FOXP2: variants seen among roughly 807,000 people sequenced by gnomAD.
FOXP2 encodes the protein forkhead box protein P2.
A neutral mutation model predicts 115.8 loss-of-function variants in FOXP2; 12 were observed. The ratio of observed to expected loss-of-function variants is 0.10; its 90% CI spans 0.07 to 0.17. FOXP2 has a LOEUF of 0.17. Ranked by LOEUF, FOXP2 falls within the 10% of genes least tolerant of loss-of-function variation. The probability of loss-of-function intolerance (pLI) is 1.00; values close to 1 mark genes in which losing one functional copy is unlikely to be tolerated. For missense variants in FOXP2, 629 were observed against 843.5 expected (o/e 0.75, Z 3.15); for synonymous variants, 328 against 297.7 (o/e 1.10, Z -1.05).
intron 2 of FOXP2, among the ~76,000 whole-genome samples, chr7:114,407,715 A>G (rs188264219): frequency 1.3e-5 from 2 of 152,238 alleles, no homozygotes; most frequent in East Asian, 3.9e-4. Context: ...CTATGCAAAT[A>G]TTTGAACAGT....
chr7:114,161,654 G>GCA, upstream of FOXP2, among the ~76,000 whole-genome samples: 16 of 151,504 alleles, frequency 1.1e-4, no homozygotes, highest in African/African-American at 3.4e-4. Context: ...GTGTGTGCGT[G>GCA]TATATATATA....
intron 2 of FOXP2, among the ~76,000 whole-genome samples, chr7:114,334,935 A>G (rs1053727114): frequency 8.0e-6 from 1 of 125,266 alleles, no homozygotes; most frequent in African/African-American, 3.0e-5. Context: ...AGAAATCTAT[A>G]TATATATATA....
At chr7:114,403,014 C>CCTAG (rs1486555596) in intron 2 of FOXP2, among the ~76,000 whole-genome samples, 2 of 152,148 alleles carry the variant, frequency 1.3e-5, no homozygotes, top group African/African-American at 4.8e-5. Context: ...TGTTCATAGA[C>CCTAG]TGTCTAGATT....
chr7:114,386,847 ATATCTACTTACTG>A (rs1387748133), intron 2 of FOXP2, among the ~76,000 whole-genome samples: 1 of 152,256 alleles, frequency 6.6e-6, no homozygotes, highest in Non-Finnish European at 1.5e-5. Context: ...TATAAATGAA[ATATCTACTTACTG>A]TTGAAAACTT....
At chr7:114,407,707 A>G (rs571673417) in intron 2 of FOXP2, among the ~76,000 whole-genome samples, 57 of 152,258 alleles carry the variant, frequency 3.7e-4, no homozygotes, top group African/African-American at 1.4e-3. Flanking sequence ...TTTTATTTCT[A>G]TGCAAATATT....
At chr7:114,362,480 T>A (rs2245192) in intron 2 of FOXP2, among the ~76,000 whole-genome samples, 6 of 152,022 alleles carry the variant, frequency 3.9e-5, no homozygotes, top group Non-Finnish European at 7.4e-5. Flanking sequence ...TGAGACAGAA[T>A]GCCATGCTAA....
intron 1 of FOXP2, among the ~76,000 whole-genome samples, chr7:114,250,764 A>G (rs1295657630): frequency 6.6e-6 from 1 of 152,012 alleles, no homozygotes; most frequent in Admixed American, 6.6e-5. Context: ...TCACTCTGAT[A>G]GTAGTTTCTT....
intron 16 of FOXP2, among the ~76,000 whole-genome samples, chr7:114,677,027 G>A (rs894426203): frequency 8.6e-5 from 13 of 151,986 alleles, no homozygotes; most frequent in Middle Eastern, 3.4e-3. Context: ...TTAGCCGGGC[G>A]TGGTTGCGCG....
intron 3 of FOXP2, among the ~76,000 whole-genome samples, chr7:114,607,917 A>AT (rs571961973): frequency 6.6e-6 from 1 of 152,210 alleles, no homozygotes; most frequent in Non-Finnish European, 1.5e-5. Context: ...TAATTTTACA[A>AT]TTTTTTATCA....
chr7:114,239,870 A>T (rs1417133967), intron 1 of FOXP2, among the ~76,000 whole-genome samples: 1 of 152,092 alleles, frequency 6.6e-6, no homozygotes. Flanking sequence ...ACACACACAA[A>T]TGTATTCTGT....
chr7:114,277,277 C>G (rs547330656), intron 1 of FOXP2, among the ~76,000 whole-genome samples: 2 of 152,040 alleles, frequency 1.3e-5, no homozygotes, highest in Non-Finnish European at 2.9e-5. Flanking sequence ...AAGGGTATCC[C>G]CAAAACAATT....
At chr7:114,597,229 A>G (rs567089693) in intron 3 of FOXP2, among the ~76,000 whole-genome samples, 7 of 152,232 alleles carry the variant, frequency 4.6e-5, no homozygotes, top group Admixed American at 2.0e-4. Context: ...AAAAAGTACC[A>G]TAATTTATTA....
chr7:114,457,611 T>C (rs1035690303), intron 2 of FOXP2, among the ~76,000 whole-genome samples: 1 of 152,122 alleles, frequency 6.6e-6, no homozygotes, highest in African/African-American at 2.4e-5. Flanking sequence ...AAAAATATAT[T>C]CTCATGGCTG....
intron 1 of FOXP2, among the ~76,000 whole-genome samples, chr7:114,146,358 G>A (rs546732680): frequency 1.3e-5 from 2 of 152,272 alleles, no homozygotes; most frequent in South Asian, 2.1e-4. Context: ...GACCCCGTTC[G>A]CTAGTAAGGT....
At chr7:114,095,802 C>T (rs1799635658) in intron 1 of FOXP2, among the ~76,000 whole-genome samples, 1 of 152,078 alleles carries the variant, frequency 6.6e-6, no homozygotes, top group Non-Finnish European at 1.5e-5. Context: ...TAGAGCTCTC[C>T]TTTTTAATGG....
At chr7:114,607,917 AT>A (rs571961973) in intron 3 of FOXP2, among the ~76,000 whole-genome samples, 1 of 152,328 alleles carries the variant, frequency 6.6e-6, no homozygotes, top group South Asian at 2.1e-4. Context: ...TAATTTTACA[AT>A]TTTTTATCAA....
intron 1 of FOXP2, among the ~76,000 whole-genome samples, chr7:114,100,259 A>C (rs1192154722): frequency 6.6e-6 from 1 of 152,150 alleles, no homozygotes; most frequent in Middle Eastern, 3.2e-3. Context: ...TTCTATGCTG[A>C]AGAAGTCTTT....
At chr7:114,106,777 T>C (rs1294359450) in intron 1 of FOXP2, among the ~76,000 whole-genome samples, 2 of 152,024 alleles carry the variant, frequency 1.3e-5, no homozygotes, top group Non-Finnish European at 2.9e-5. Flanking sequence ...CATGAAGTTC[T>C]CTGAGGCTAT....
At chr7:114,527,414 C>G (rs1798932619) in intron 2 of FOXP2, among the ~76,000 whole-genome samples, 1 of 151,950 alleles carries the variant, frequency 6.6e-6, no homozygotes, top group Admixed American at 6.6e-5. Context: ...CCTCACAATT[C>G]ATTGTCTTCC....
Sources: gnomAD v4.1 joint callset for allele counts (sites outside exome capture counted in the v4.1 genomes callset) on GRCh38, gnomAD v4.1.1 for gene constraint, MANE v1.5 for transcripts, NCBI Gene and HGNC (gene_info 2026-07-23, HGNC 2026-07-21) for gene names.